The following B3GALT1 variants were observed in gnomAD, a reference collection of about 807,000 sequenced individuals.
The protein encoded by B3GALT1 is beta-1,3-galactosyltransferase 1, also known as UDP-Gal:betaGlcNAc beta 1,3-galactosyltransferase, polypeptide 1.
Under a neutral mutation model 23.2 loss-of-function variants are expected in B3GALT1, and 10 were observed. The observed-to-expected ratio is 0.43, with a 90% CI of 0.27 to 0.73. The LOEUF (loss-of-function observed/expected upper bound fraction) is 0.73. B3GALT1 is among the 30% of genes least tolerant of loss of function. The pLI, the probability that B3GALT1 is intolerant of heterozygous loss-of-function variation, is 0.21. For missense variants in B3GALT1, 299 were observed against 405.4 expected, an observed-to-expected ratio of 0.74 and a Z score of 2.25; for synonymous variants, 156 against 141.5, an observed-to-expected ratio of 1.10 and a Z score of -0.73.
At chr2:167,302,240 T>G (rs1696460050) in intron 1 of B3GALT1, among the ~76,000 whole-genome samples, 2 of 152,176 alleles carry the variant, frequency 1.3e-5, no homozygotes, top group Admixed American at 1.3e-4. Context: ...AATATTAACA[T>G]TTGTTATTTT....
chr2:167,431,328 C>G (rs1219607348), intron 1 of B3GALT1, among the ~76,000 whole-genome samples: 1 of 152,092 alleles, frequency 6.6e-6, no homozygotes, highest in Non-Finnish European at 1.5e-5. Flanking sequence ...AGAACCATTA[C>G]GAATCACTGA....
chr2:167,509,974 AC>A (rs1699981100), intron 2 of B3GALT1, among the ~76,000 whole-genome samples: 2 of 152,226 alleles, frequency 1.3e-5, no homozygotes, highest in Admixed American at 1.3e-4. Flanking sequence ...AGAATGGTGT[AC>A]TGAGAAGCGA....
chr2:167,620,384 C>T (rs1407423921), intron 2 of B3GALT1, among the ~76,000 whole-genome samples: 1 of 151,960 alleles, frequency 6.6e-6, no homozygotes, highest in African/African-American at 2.4e-5. Context: ...GGGCTGGACT[C>T]AAGTTGTACA....
intron 2 of B3GALT1, among the ~76,000 whole-genome samples, chr2:167,627,208 T>C (rs1198504229): frequency 1.3e-5 from 2 of 151,652 alleles, no homozygotes; most frequent in African/African-American, 4.8e-5. Flanking sequence ...TTAAAATATA[T>C]TGTCCTGTGA....
intron 3 of B3GALT1, among the ~76,000 whole-genome samples, chr2:167,770,097 T>C (rs1558973425): frequency 6.6e-6 from 1 of 152,100 alleles, no homozygotes; most frequent in African/African-American, 2.4e-5. Flanking sequence ...TTTATTTAGG[T>C]TTTTGTTTTG....
At chr2:167,512,590 AT>A (rs1700031808) in intron 2 of B3GALT1, among the ~76,000 whole-genome samples, 1 of 95,066 alleles carries the variant, frequency 1.1e-5, no homozygotes, top group African/African-American at 5.2e-5. Flanking sequence ...GTATATATAT[AT>A]GTGTATATAT....
intron 4 of B3GALT1, among the ~76,000 whole-genome samples, chr2:167,826,943 T>C (rs1373194994): frequency 1.3e-5 from 2 of 152,226 alleles, no homozygotes; most frequent in Non-Finnish European, 2.9e-5. Flanking sequence ...TGATTTTGTA[T>C]GGTGGAATCT....
At chr2:167,763,876 A>C (rs866715747) in intron 3 of B3GALT1, among the ~76,000 whole-genome samples, 5 of 152,282 alleles carry the variant, frequency 3.3e-5, no homozygotes, top group African/African-American at 1.2e-4. Flanking sequence ...CTGCTGGAAG[A>C]CAAAGGACCC....
intron 1 of B3GALT1, among the ~76,000 whole-genome samples, chr2:167,407,404 A>G (rs773844577): frequency 6.6e-6 from 1 of 152,308 alleles, no homozygotes; most frequent in Non-Finnish European, 1.5e-5. Context: ...GACTTTAAAT[A>G]AACAACCTAA....
At chr2:167,341,691 C>CT (rs1401641259) in intron 1 of B3GALT1, among the ~76,000 whole-genome samples, 1 of 152,056 alleles carries the variant, frequency 6.6e-6, no homozygotes, top group East Asian at 1.9e-4. Context: ...ACTGCTCAGC[C>CT]TTTTCTCTTA....
intron 2 of B3GALT1, among the ~76,000 whole-genome samples, chr2:167,641,804 T>G (rs1375418224): frequency 1.3e-5 from 2 of 152,166 alleles, no homozygotes; most frequent in African/African-American, 4.8e-5. Flanking sequence ...CTCTTTCCTG[T>G]CTACTCTTTC....
chr2:167,799,777 C>G lies in B3GALT1; in HGVS notation c.-351-18895C>G, dbSNP rs1558982936. 4.6e-5 allele frequency among the ~76,000 whole-genome samples: 7 copies of G among 152,146 alleles called. 1 individual carries two copies. On this transcript the variant is annotated intron_variant, in intron 3 of 4. Coordinates refer to ENST00000392690, the MANE Select transcript of B3GALT1 (RefSeq NM_020981.4). ...CTTTATTTCTTCTGTTCCTGTCAAG[C>G]TGTGAAGAGGTTGTAATCTCATTAA... is the stretch of plus-strand genomic sequence containing the variant.
At chr2:167,749,570 G>A (rs1011357543) in intron 3 of B3GALT1, among the ~76,000 whole-genome samples, 5 of 152,106 alleles carry the variant, frequency 3.3e-5, no homozygotes, top group African/African-American at 9.7e-5. Context: ...AATTTCAGAC[G>A]CTAATGCCCT....
At chr2:167,514,535 A>C (rs745308834) in intron 2 of B3GALT1, among the ~76,000 whole-genome samples, 1 of 152,216 alleles carries the variant, frequency 6.6e-6, no homozygotes. Flanking sequence ...GGAGAAAGTT[A>C]GTTTACAGTC....
At chr2:167,671,941 T>C (rs1027225812) in intron 3 of B3GALT1, among the ~76,000 whole-genome samples, 2 of 151,870 alleles carry the variant, frequency 1.3e-5, no homozygotes, top group Non-Finnish European at 2.9e-5. Flanking sequence ...AGAAGAGATA[T>C]CACAATTGAT....
chr2:167,325,872 C>A (rs1201524244), intron 1 of B3GALT1, among the ~76,000 whole-genome samples: 13 of 151,780 alleles, frequency 8.6e-5, no homozygotes, highest in African/African-American at 2.9e-4. Flanking sequence ...CGTTTGCCAC[C>A]ACACCTGGCT....
chr2:167,738,535 G>A (rs985599210), intron 3 of B3GALT1, among the ~76,000 whole-genome samples: 7 of 152,166 alleles, frequency 4.6e-5, no homozygotes, highest in Non-Finnish European at 8.8e-5. Flanking sequence ...GTTGTTAGAA[G>A]TCACCACAAT....
At chr2:167,513,997 C>G (rs992371190) in intron 2 of B3GALT1, among the ~76,000 whole-genome samples, 3 of 152,168 alleles carry the variant, frequency 2.0e-5, no homozygotes, top group Non-Finnish European at 2.9e-5. Context: ...AGCTCCGCCT[C>G]CCGGGTTCAT....
chr2:167,676,297 T>C lies in B3GALT1; in HGVS notation c.-352+29331T>C, dbSNP rs1198012618. Among the ~76,000 whole-genome samples, 10 of 152,092 alleles carry C rather than the reference T, an allele frequency of 6.6e-5. No individual in the cohort carries two copies. In the East Asian group the frequency reaches 1.7e-3, roughly 26 times the overall value. On this transcript the variant is annotated intron_variant, in intron 3 of 4. Transcript: ENST00000392690. Reference sequence around the variant, plus strand: ...TTTGTTTTGTTTTGCTTTTTTAACATTTATACTCACAAAAATATGAAGAAA... The same window carrying C: ...TTTGTTTTGTTTTGCTTTTTTAACACTTATACTCACAAAAATATGAAGAAA...
Sources: allele counts gnomAD v4.1 joint callset (sites outside exome capture counted in the v4.1 genomes callset), GRCh38; gene constraint gnomAD v4.1.1; transcripts MANE v1.5; gene names NCBI Gene and HGNC (gene_info 2026-07-23, HGNC 2026-07-21).